Variants in UNC5C observed in about 807,000 individuals in gnomAD.
UNC5C encodes netrin receptor UNC5C.
In UNC5C, 47 loss-of-function variants were observed where a neutral mutation model predicts 99.8. That is an observed-to-expected ratio of 0.47 (90% CI 0.37 to 0.60). The LOEUF (loss-of-function observed/expected upper bound fraction) is 0.60. UNC5C is among the 20% of genes least tolerant of loss of function. The pLI, the probability that UNC5C is intolerant of heterozygous loss-of-function variation, is 0.00. For missense variants in UNC5C, 1,062 were observed against 1,165.9 expected, an observed-to-expected ratio of 0.91 and a Z score of 1.30; for synonymous variants, 487 against 452.2, an observed-to-expected ratio of 1.08 and a Z score of -0.98.
chr4:95,494,232 G>T (rs1010897155), intron 1 of UNC5C, among the ~76,000 whole-genome samples: 1 of 151,450 alleles, frequency 6.6e-6, no homozygotes, highest in African/African-American at 2.4e-5. Flanking sequence ...TGAATCAAAT[G>T]ATATTTAAAT....
chr4:95,355,803 C>G (rs139297862), intron 1 of UNC5C, among the ~76,000 whole-genome samples: 1 of 152,050 alleles, frequency 6.6e-6, no homozygotes, highest in Non-Finnish European at 1.5e-5. Context: ...ATTCCTAAAA[C>G]TATGTTTCCC....
intron 10 of UNC5C, among the ~76,000 whole-genome samples, chr4:95,209,032 C>A (rs1737979737): frequency 6.6e-6 from 1 of 152,174 alleles, no homozygotes; most frequent in Non-Finnish European, 1.5e-5. Context: ...AAGATAAAGA[C>A]AATGTCTACT....
At chr4:95,265,174 T>G (rs1333071397) in intron 4 of UNC5C, among the ~76,000 whole-genome samples, 1 of 152,206 alleles carries the variant, frequency 6.6e-6, no homozygotes, top group African/African-American at 2.4e-5. Context: ...AGTGACTTTA[T>G]TCACTCTCAA....
intron 1 of UNC5C, among the ~76,000 whole-genome samples, chr4:95,521,582 G>A (rs1439908350): frequency 6.6e-6 from 1 of 151,952 alleles, no homozygotes; most frequent in Admixed American, 6.6e-5. Context: ...ACCTCACCTA[G>A]TCCTAATTAC....
rs371347184 is a variant in UNC5C, at chr4:95,169,211, C to T, written c.*23G>A. On this transcript the variant is annotated 3_prime_UTR_variant, in exon 16 of 16. Coordinates refer to ENST00000453304, the MANE Select transcript of UNC5C (RefSeq NM_003728.4). Reference sequence around the variant, plus strand: ...AGACTCCCTGTGCATTTTTGTCCTTCATTTCCCCTTCCAGCATGGTGGTTA... The same window carrying T: ...AGACTCCCTGTGCATTTTTGTCCTTTATTTCCCCTTCCAGCATGGTGGTTA... The T allele has an allele frequency of 6.2e-7, 1 of 1,611,568 alleles. No homozygotes were observed. Among genetic ancestry groups the T allele is most frequent in the Non-Finnish European group, 8.5e-7 (1 of 1,178,222 alleles).
chr4:95,295,084 A>G (rs986048728), intron 3 of UNC5C, among the ~76,000 whole-genome samples: 1 of 152,178 alleles, frequency 6.6e-6, no homozygotes, highest in African/African-American at 2.4e-5. Flanking sequence ...AACATTGTCA[A>G]CAATGGTAAC....
chr4:95,385,122 G>A (rs1745178126), intron 1 of UNC5C, among the ~76,000 whole-genome samples: 1 of 151,998 alleles, frequency 6.6e-6, no homozygotes, highest in Admixed American at 6.6e-5. Context: ...TGGGCACCCT[G>A]TTCATATTAT....
chr4:95,295,859 C>A (rs1212211938), intron 3 of UNC5C, among the ~76,000 whole-genome samples: 1 of 152,176 alleles, frequency 6.6e-6, no homozygotes, highest in Non-Finnish European at 1.5e-5. Flanking sequence ...CTGAGACAGG[C>A]AGATTGCTTG....
chr4:95,467,483 T>C (rs1747822050), intron 1 of UNC5C, among the ~76,000 whole-genome samples: 1 of 152,174 alleles, frequency 6.6e-6, no homozygotes, highest in South Asian at 2.1e-4. Flanking sequence ...CTTTTCACAT[T>C]ATCACTGGAA....
chr4:95,203,976 A>G (rs1010454758), intron 11 of UNC5C, among the ~76,000 whole-genome samples: 2 of 152,016 alleles, frequency 1.3e-5, no homozygotes, highest in Non-Finnish European at 2.9e-5. Context: ...ACCAGGGGCC[A>G]AGGACATGGT....
intron 5 of UNC5C, 62 bp downstream of exon 5, chr4:95,250,420 TTTACC>T: frequency 1.3e-6 from 2 of 1,516,418 alleles, no homozygotes; most frequent in Non-Finnish European, 1.8e-6. Context: ...GGCTTCTAGC[TTTACC>T]GATGCCAACG....
At chr4:95,468,356 G>A (rs903048113) in intron 1 of UNC5C, among the ~76,000 whole-genome samples, 4 of 152,062 alleles carry the variant, frequency 2.6e-5, no homozygotes, top group African/African-American at 9.7e-5. Context: ...GTTTGGAAGT[G>A]CTCATCTCCA....
chr4:95,269,821 T>C (rs1212182316), intron 4 of UNC5C, among the ~76,000 whole-genome samples: 1 of 152,076 alleles, frequency 6.6e-6, no homozygotes, highest in African/African-American at 2.4e-5. Context: ...CAAGTGATTC[T>C]CCTGCCTCAG....
chr4:95,488,978 G>A lies in UNC5C; in HGVS notation c.124+59756C>T, dbSNP rs80153144. Among the ~76,000 whole-genome samples, 499 of 151,434 alleles carry A rather than the reference G, an allele frequency of 3.3e-3. 3 individuals carry two copies. Among genetic ancestry groups the A allele is most frequent in the East Asian group, 0.021 (109 of 5,084 alleles). On this transcript the variant is annotated intron_variant, in intron 1 of 15. Transcript: ENST00000453304. ...TTGGCATGTATTTATTCTCTGCTATGTTAAATTGTGTTATGCACCAAGGGG... is the reference window on the plus strand; with the variant it reads ...TTGGCATGTATTTATTCTCTGCTATATTAAATTGTGTTATGCACCAAGGGG...
At chr4:95,443,446 G>T (rs929868085) in intron 1 of UNC5C, among the ~76,000 whole-genome samples, 1 of 152,114 alleles carries the variant, frequency 6.6e-6, no homozygotes, top group Non-Finnish European at 1.5e-5. Context: ...ACTTTCAAAA[G>T]ATTTCTTCAA....
At chr4:95,309,822 G>A (rs1174371521) in intron 2 of UNC5C, among the ~76,000 whole-genome samples, 1 of 152,198 alleles carries the variant, frequency 6.6e-6, no homozygotes, top group Non-Finnish European at 1.5e-5. Flanking sequence ...CTTGCACTCT[G>A]TTGGTGGGAA....
At chr4:95,174,175 A>C (rs895138724) in intron 14 of UNC5C, among the ~76,000 whole-genome samples, 7 of 150,782 alleles carry the variant, frequency 4.6e-5, no homozygotes, top group African/African-American at 1.5e-4. Context: ...AATTTTATGG[A>C]TCCTTTAAAA....
intron 1 of UNC5C, among the ~76,000 whole-genome samples, chr4:95,538,971 T>C (rs1329266200): frequency 3.9e-5 from 6 of 152,184 alleles, no homozygotes; most frequent in Non-Finnish European, 7.3e-5. Context: ...CAATATGGCA[T>C]ATGAGGGTGT....
chr4:95,478,688 T>C (rs527617692), intron 1 of UNC5C, among the ~76,000 whole-genome samples: 1 of 152,138 alleles, frequency 6.6e-6, no homozygotes, highest in Non-Finnish European at 1.5e-5. Flanking sequence ...CAATAGTAGA[T>C]ACAATTGACT....
Sources: allele counts gnomAD v4.1 joint callset (sites outside exome capture counted in the v4.1 genomes callset), GRCh38; gene constraint gnomAD v4.1.1; transcripts MANE v1.5; gene names NCBI Gene and HGNC (gene_info 2026-07-23, HGNC 2026-07-21).